Variants in IFT80 observed in about 807,000 individuals in gnomAD.
The protein encoded by IFT80 is intraflagellar transport 80, also known as intraflagellar transport protein 80 homolog.
In IFT80, 79 loss-of-function variants were observed where a neutral mutation model predicts 107.9. The ratio of observed to expected loss-of-function variants is 0.73; its 90% CI spans 0.61 to 0.88. The LOEUF (loss-of-function observed/expected upper bound fraction) is 0.88. IFT80 is among the 40% of genes least tolerant of loss of function. The pLI is 0.00. For synonymous variants in IFT80, 299 were observed against 300.9 expected, an observed-to-expected ratio of 0.99 and a Z score of 0.07; for missense variants, 797 against 914.2, an observed-to-expected ratio of 0.87 and a Z score of 1.65.
chr3:160,313,539 G>A (rs542600740), intron 9 of IFT80, among the ~76,000 whole-genome samples: 49 of 151,536 alleles, frequency 3.2e-4, no homozygotes, highest in Non-Finnish European at 6.3e-4. Flanking sequence ...AAAACTAAAG[G>A]CACTCTAGTA....
intron 19 of IFT80, among the ~76,000 whole-genome samples, chr3:160,260,961 G>A (rs943137601): frequency 6.7e-6 from 1 of 150,234 alleles, no homozygotes; most frequent in African/African-American, 2.5e-5. Flanking sequence ...GAACTTACCT[G>A]TATCTACACC....
At chr3:160,262,044 G>A (rs912989833) in intron 19 of IFT80, among the ~76,000 whole-genome samples, 2 of 151,854 alleles carry the variant, frequency 1.3e-5, no homozygotes, top group African/African-American at 4.8e-5. Context: ...CCTATATTCT[G>A]CTCCCTAGAC....
intron 12 of IFT80, among the ~76,000 whole-genome samples, chr3:160,298,655 T>C (rs976979484): frequency 7.2e-5 from 11 of 152,158 alleles, no homozygotes; most frequent in African/African-American, 2.4e-4. Context: ...TGCTCAATGA[T>C]GGTGATATGT....
At chr3:160,343,749 G>T in intron 8 of IFT80, 1 of 308,858 alleles carries the variant, frequency 3.2e-6, no homozygotes, top group South Asian at 2.7e-5. Flanking sequence ...AATTTTTATA[G>T]CACTCATTAC....
At chr3:160,260,919 G>A (rs188102915) in intron 19 of IFT80, among the ~76,000 whole-genome samples, 10 of 152,268 alleles carry the variant, frequency 6.6e-5, no homozygotes, top group Non-Finnish European at 4.4e-5. Context: ...CATGAGGTAT[G>A]AATTCACTTT....
At position 160,377,442 on chromosome 3, in the gene IFT80, C is replaced by T. The variant is rs1429032140; in HGVS notation, c.358G>A (p.Ala120Thr). 1.9e-6 allele frequency: 3 copies of T among 1,580,966 alleles called. No individual in the cohort carries two copies. The highest frequency in any genetic ancestry group is 2.6e-6 in the Non-Finnish European group (3 of 1,150,344). ...LAGRWNYEGT[A>T]LVTVGEDGQI... is the part of the protein sequence containing the mutation. ...ACAGACAACTTACCTGTAACTAATG[C>T]TGTTCCTTCATAATTCCATCTTCCT... The change falls in exon 4 of 20, where the codon GCA becomes ACA. Residue 120 changes from alanine to threonine, a missense_variant. By Grantham distance (58) the Ala-to-Thr change is moderately conservative (BLOSUM62 0). Coordinates refer to ENST00000326448, the MANE Select transcript of IFT80 (RefSeq NM_020800.3).
chr3:160,273,644 T>TA (rs1169078467), intron 18 of IFT80, among the ~76,000 whole-genome samples: 1 of 152,126 alleles, frequency 6.6e-6, no homozygotes, highest in Non-Finnish European at 1.5e-5. Context: ...AAATTTGAGC[T>TA]AAAAAATGTG....
chr3:160,292,322 AG>A (rs1430873584), intron 12 of IFT80, among the ~76,000 whole-genome samples: 1 of 152,194 alleles, frequency 6.6e-6, no homozygotes, highest in African/African-American at 2.4e-5. Context: ...TCTTCCCCAG[AG>A]TAATGGTTTG....
chr3:160,383,162 C>T lies in IFT80; in HGVS notation c.37+1402G>A, dbSNP rs1299880644. ...ATAAGTACATGCCAGACGTCCATGACATTATCTTCAAACTCACAGGTCAAC... is the reference window on the plus strand; with the variant it reads ...ATAAGTACATGCCAGACGTCCATGATATTATCTTCAAACTCACAGGTCAAC... On this transcript the variant is annotated intron_variant, in intron 2 of 19. Transcript: ENST00000326448. Among the ~76,000 whole-genome samples, 5 of 152,164 alleles carry T rather than the reference C, an allele frequency of 3.3e-5. No homozygotes were observed. The East Asian group carries it at 7.7e-4, about 23-fold the overall frequency.
In IFT80 at chr3:160,292,669, G is replaced by A. The variant is rs552993342; in HGVS notation, c.1316-6801C>T. 1.3e-4 allele frequency among the ~76,000 whole-genome samples: 19 copies of A among 151,956 alleles called. No homozygotes were observed. In the South Asian group the frequency reaches 3.5e-3, roughly 28 times the overall value. Reference sequence around the variant, plus strand: ...TAATTTTTACATTTTTAGTAGAGACGGGGTTTCACCATGTTGGTCAGGTTG... The same window carrying A: ...TAATTTTTACATTTTTAGTAGAGACAGGGTTTCACCATGTTGGTCAGGTTG... On this transcript the variant is annotated intron_variant, in intron 12 of 19. Coordinates refer to ENST00000326448, the MANE Select transcript of IFT80 (RefSeq NM_020800.3).
intron 8 of IFT80, among the ~76,000 whole-genome samples, chr3:160,332,772 G>C (rs942835524): frequency 2.6e-5 from 4 of 152,138 alleles, no homozygotes; most frequent in Admixed American, 2.6e-4. Context: ...TTGCAAAATG[G>C]GTAATCTTCT....
intron 9 of IFT80, among the ~76,000 whole-genome samples, chr3:160,318,377 T>C (rs562891004): frequency 2.6e-5 from 4 of 152,212 alleles, no homozygotes; most frequent in Non-Finnish European, 2.9e-5. Context: ...TAAATTTTTA[T>C]AGTAATAATA....
At chr3:160,337,578 C>T (rs750674575) in intron 8 of IFT80, among the ~76,000 whole-genome samples, 12 of 152,086 alleles carry the variant, frequency 7.9e-5, no homozygotes, top group East Asian at 1.9e-4. Flanking sequence ...GAGCTGAGAT[C>T]GTGCCACTGT....
intron 8 of IFT80, among the ~76,000 whole-genome samples, chr3:160,328,202 CTGTAA>C (rs777062725): frequency 2.7e-4 from 41 of 152,032 alleles, no homozygotes; most frequent in Non-Finnish European, 5.1e-4. Context: ...TAGCTCACAC[CTGTAA>C]TCCCAGCACT....
intron 1 of IFT80, among the ~76,000 whole-genome samples, chr3:160,397,375 T>C (rs1160481929): frequency 1.3e-5 from 2 of 152,212 alleles, no homozygotes; most frequent in Non-Finnish European, 1.5e-5. Flanking sequence ...ATATCATATC[T>C]AACATCCTTG....
chr3:160,383,836 A>G, intron 2 of IFT80: 1 of 985,436 alleles, frequency 1.0e-6, no homozygotes, highest in Middle Eastern at 5.2e-4. Context: ...TGAGGATCTG[A>G]CTGCTCAGAT....
chr3:160,281,506 G>A (rs1714690609), intron 14 of IFT80, among the ~76,000 whole-genome samples: 1 of 152,196 alleles, frequency 6.6e-6, no homozygotes, highest in African/African-American at 2.4e-5. Flanking sequence ...ACCATCAGGT[G>A]ATGGTCAGGC....
chr3:160,276,035 T>C (rs1450367842), intron 18 of IFT80, among the ~76,000 whole-genome samples: 1 of 152,052 alleles, frequency 6.6e-6, no homozygotes, highest in Non-Finnish European at 1.5e-5. Context: ...GCCCAGCTGC[T>C]TTTTTTGTAT....
At chr3:160,349,553 A>G (rs957406404) in intron 8 of IFT80, among the ~76,000 whole-genome samples, 21 of 152,196 alleles carry the variant, frequency 1.4e-4, no homozygotes, top group Non-Finnish European at 2.6e-4. Flanking sequence ...GCTAGGGTAT[A>G]GATCATTCCT....
Sources: gnomAD v4.1 joint callset for allele counts (sites outside exome capture counted in the v4.1 genomes callset) on GRCh38, gnomAD v4.1.1 for gene constraint, MANE v1.5 for transcripts, NCBI Gene and HGNC (gene_info 2026-07-23, HGNC 2026-07-21) for gene names.